Variants in PYROXD2 observed in about 807,000 individuals in gnomAD.
PYROXD2 encodes the protein pyridine nucleotide-disulfide oxidoreductase domain-containing protein 2.
A neutral mutation model predicts 71.1 loss-of-function variants in PYROXD2; 69 were observed. The ratio of observed to expected loss-of-function variants is 0.97; its 90% CI spans 0.80 to 1.19. PYROXD2 has a LOEUF of 1.19. PYROXD2 is among the 50% of genes most tolerant of loss of function. The pLI, the probability that PYROXD2 is intolerant of heterozygous loss-of-function variation, is 0.00. For synonymous variants in PYROXD2, 287 were observed against 302.7 expected (o/e 0.95, Z 0.54); for missense variants, 745 against 748.9 (o/e 0.99, Z 0.06).
At chr10:98,398,034 C>G (rs1843257698) in intron 5 of PYROXD2, among the ~76,000 whole-genome samples, 1 of 152,012 alleles carries the variant, frequency 6.6e-6, no homozygotes, top group African/African-American at 2.4e-5. Flanking sequence ...AGGCACCTGC[C>G]ACCACGCCCG....
chr10:98,392,339 AC>A (rs1340221507), intron 10 of PYROXD2, 92 bp downstream of exon 10: 27 of 1,533,616 alleles, frequency 1.8e-5, no homozygotes, highest in Non-Finnish European at 2.2e-5. Context: ...TGCATCTCAC[AC>A]CCTGATGCAA....
chr10:98,414,814 A>C, intron 1 of PYROXD2, 195 bp downstream of exon 1: 1 of 728,786 alleles, frequency 1.4e-6, no homozygotes, highest in Non-Finnish European at 2.1e-6. Context: ...CAGAGCCAGC[A>C]CCGGAATCCC....
At chr10:98,401,253 C>CCA (rs1843390902) in intron 4 of PYROXD2, among the ~76,000 whole-genome samples, 1 of 45,594 alleles carries the variant, frequency 2.2e-5, no homozygotes, top group African/African-American at 1.1e-4. Flanking sequence ...GACTCTGTCT[C>CCA]AAAAAAAAAA....
At chr10:98,413,374 C>A (rs962216385) in intron 1 of PYROXD2, among the ~76,000 whole-genome samples, 3 of 152,318 alleles carry the variant, frequency 2.0e-5, no homozygotes, top group South Asian at 2.1e-4. Flanking sequence ...AGGAAATATT[C>A]TAGTATTAGA....
chr10:98,414,861 C>G, intron 1 of PYROXD2, 148 bp downstream of exon 1: 1 of 1,226,150 alleles, frequency 8.2e-7, no homozygotes, highest in Non-Finnish European at 1.1e-6. Context: ...CTTTCCATTG[C>G]AGCCCCTGCT....
chr10:98,404,808 G>T (rs1843539995), intron 4 of PYROXD2, among the ~76,000 whole-genome samples: 2 of 152,256 alleles, frequency 1.3e-5, no homozygotes, highest in East Asian at 3.9e-4. Flanking sequence ...GACCGTTTCT[G>T]GGCCCCACCA....
At chr10:98,388,589 T>A in intron 12 of PYROXD2, 81 bp from the exon 13 acceptor site, 1 of 1,378,374 alleles carries the variant, frequency 7.3e-7, no homozygotes, top group Non-Finnish European at 9.6e-7. Flanking sequence ...TGGGACACAG[T>A]GGAGGCCCTG....
At chr10:98,395,145 T>C in intron 8 of PYROXD2, 51 bp downstream of exon 8, 2 of 1,492,560 alleles carry the variant, frequency 1.3e-6, no homozygotes, top group Non-Finnish European at 1.9e-6. Context: ...TCCTCACTCC[T>C]GTTGGGGAAC....
intron 4 of PYROXD2, among the ~76,000 whole-genome samples, chr10:98,404,007 CCTAAATGGAGGCTCTT>C (rs1158185826): frequency 6.6e-6 from 1 of 152,142 alleles, no homozygotes; most frequent in East Asian, 1.9e-4. Context: ...CATAATGAAA[CCTAAATGGAGGCTCTT>C]CTAAATGGAG....
Position 98,415,014 on chromosome 10 carries a change from C to T in PYROXD2, c.122G>A (p.Gly41Glu), listed in dbSNP as rs748996790. The T allele has an allele frequency of 2.5e-6, 4 of 1,613,376 alleles. No individual in the cohort carries two copies. The South Asian group carries it at 3.3e-5, about 13-fold the overall frequency. The change falls in exon 1 of 16, where the codon GGA becomes GAA. Residue 41 changes from glycine to glutamate, a missense_variant. Transcript: ENST00000370575. ...GGCCTGCTTTACCACTTTACCTGCTCCTATCACCACCGCATCATACTCAGG... is the reference window on the plus strand; with the variant it reads ...GGCCTGCTTTACCACTTTACCTGCTTCTATCACCACCGCATCATACTCAGG... ...LKPEYDAVVI[G>E]AGHNGLVAAA... is the part of the protein sequence containing the mutation.
chr10:98,395,044 T>A (rs546475878), intron 8 of PYROXD2, 152 bp downstream of exon 8: 1 of 674,420 alleles, frequency 1.5e-6, no homozygotes, highest in East Asian at 2.6e-5. Flanking sequence ...GAGGGTTAAG[T>A]GGATCGTGTG....
chr10:98,389,983 G>A (rs993631975), intron 12 of PYROXD2, among the ~76,000 whole-genome samples: 5 of 152,134 alleles, frequency 3.3e-5, no homozygotes, highest in Non-Finnish European at 7.4e-5. Context: ...AAATATTTGT[G>A]TACCTGTCCT....
At chr10:98,389,728 T>C (rs1590935929) in intron 12 of PYROXD2, among the ~76,000 whole-genome samples, 2 of 152,258 alleles carry the variant, frequency 1.3e-5, no homozygotes, top group Admixed American at 1.3e-4. Context: ...AGAGAAGCCT[T>C]TCCTCCCCTT....
intron 10 of PYROXD2, 80 bp from the exon 11 acceptor site, chr10:98,391,162 T>C: frequency 4.3e-6 from 4 of 927,900 alleles, no homozygotes; most frequent in Non-Finnish European, 7.1e-6. Context: ...CTCAGGAAGA[T>C]CCCTCAGTCG....
At chr10:98,396,418 C>T (rs558002537) in intron 6 of PYROXD2, among the ~76,000 whole-genome samples, 10 of 152,308 alleles carry the variant, frequency 6.6e-5, no homozygotes, top group African/African-American at 2.2e-4. Context: ...CAAACCAGAT[C>T]AGCTGAGCCA....
intron 13 of PYROXD2, 71 bp from the exon 14 acceptor site, chr10:98,387,378 G>T: frequency 2.0e-6 from 2 of 1,020,770 alleles, no homozygotes; most frequent in Admixed American, 2.1e-5. Context: ...GTACAACTTG[G>T]CAAATTTACT....
chr10:98,411,932 C>T (rs1231905025), intron 1 of PYROXD2: 5 of 152,148 alleles, frequency 3.3e-5, no homozygotes, highest in South Asian at 4.1e-4. Flanking sequence ...TTAAACAATC[C>T]GCCAGTGGGA....
At chr10:98,398,125 C>T (rs1004209988) in intron 5 of PYROXD2, among the ~76,000 whole-genome samples, 4 of 152,248 alleles carry the variant, frequency 2.6e-5, no homozygotes, top group African/African-American at 7.2e-5. Context: ...TCAAGTGATC[C>T]GCCTGCCTCG....
chr10:98,392,412 C>T lies in PYROXD2; in HGVS notation c.1062+20G>A. On this transcript the variant is annotated intron_variant, in intron 10 of 15. Coordinates refer to ENST00000370575, the MANE Select transcript of PYROXD2 (RefSeq NM_032709.3). ...GTTTTGGCAGACATCTAAGCTCCAC[C>T]CTCCTGCCCACAGCCTCACCTGTGG... The T allele has an allele frequency of 6.2e-7, 1 of 1,611,290 alleles. No homozygotes were observed. The highest frequency in any genetic ancestry group is 8.5e-7 in the Non-Finnish European group (1 of 1,179,288).
Sources: gnomAD v4.1 joint callset for allele counts (sites outside exome capture counted in the v4.1 genomes callset) on GRCh38, gnomAD v4.1.1 for gene constraint, MANE v1.5 for transcripts, NCBI Gene and HGNC (gene_info 2026-07-23, HGNC 2026-07-21) for gene names.